TMEM220: variants seen among roughly 807,000 people sequenced by gnomAD.
The protein encoded by TMEM220 is transmembrane protein 220.
TMEM220 carries 21 observed loss-of-function variants against 21.7 expected under a neutral mutation model. The observed-to-expected ratio is 0.97, with a 90% CI of 0.69 to 1.39. TMEM220 has a LOEUF of 1.39. TMEM220 is among the 40% of genes most tolerant of loss of function. The pLI is 0.00. For synonymous variants in TMEM220, 80 were observed against 73.6 expected (o/e 1.09, Z -0.45); for missense variants, 191 against 201.9 (o/e 0.95, Z 0.33).
At chr17:10,728,945 G>A in intron 2 of TMEM220, 86 bp downstream of exon 2, 1 of 1,388,842 alleles carries the variant, frequency 7.2e-7, no homozygotes, top group South Asian at 1.2e-5. Context: ...AAGCAGGGAG[G>A]AGGGGTAAAG....
intron 2 of TMEM220, among the ~76,000 whole-genome samples, chr17:10,728,288 C>CA (rs1425414206): frequency 2.2e-5 from 3 of 139,474 alleles, no homozygotes; most frequent in Non-Finnish European, 3.1e-5. Context: ...CTTTTCTTTG[C>CA]TTTTTTTTTT....
At chr17:10,727,288 T>C (rs1567588626) in intron 2 of TMEM220, among the ~76,000 whole-genome samples, 1 of 152,210 alleles carries the variant, frequency 6.6e-6, no homozygotes, top group South Asian at 2.1e-4. Context: ...GGACTACGGA[T>C]GCCTGCCACC....
chr17:10,721,403 G>GT lies in TMEM220; in HGVS notation c.347+1866dup, dbSNP rs200895795. Among the ~76,000 whole-genome samples the GT allele has an allele frequency of 9.3e-4, 141 of 152,256 alleles. 1 individual carries two copies. The East Asian group carries it at 0.022, about 24-fold the overall frequency. On this transcript the variant is annotated intron_variant, in intron 5 of 5. Coordinates refer to ENST00000341871, the MANE Select transcript of TMEM220 (RefSeq NM_001004313.3). Reference sequence around the variant, plus strand: ...GCAGGCAGATCACTTGAGGTCAGGAGTTTGAGACCATCCTGGCCAACATGG... The same window carrying GT: ...GCAGGCAGATCACTTGAGGTCAGGAGTTTTGAGACCATCCTGGCCAACATGG...
At chr17:10,722,811 G>A (rs146256229) in intron 5 of TMEM220, among the ~76,000 whole-genome samples, 2 of 152,240 alleles carry the variant, frequency 1.3e-5, no homozygotes, top group Non-Finnish European at 2.9e-5. Context: ...ACTATACTGG[G>A]CCTTGTAGAA....
At chr17:10,723,666 A>G (rs186143663) in intron 4 of TMEM220, among the ~76,000 whole-genome samples, 112 of 152,324 alleles carry the variant, frequency 7.4e-4, no homozygotes, top group African/African-American at 2.6e-3. Flanking sequence ...TAGAAGAAAC[A>G]GTGCAACTAA....
chr17:10,726,896 G>A (rs2075055344), intron 2 of TMEM220, among the ~76,000 whole-genome samples: 1 of 152,220 alleles, frequency 6.6e-6, no homozygotes, highest in Admixed American at 6.5e-5. Flanking sequence ...TATTGTGTGT[G>A]TTGTTGGCAG....
At chr17:10,729,442 C>T (rs1192085341) in intron 1 of TMEM220, among the ~76,000 whole-genome samples, 2 of 152,170 alleles carry the variant, frequency 1.3e-5, no homozygotes, top group Admixed American at 1.3e-4. Flanking sequence ...TGGTCGGCTT[C>T]GTCTCCTAGG....
At chr17:10,720,217 C>T (rs923790637) in intron 5 of TMEM220, among the ~76,000 whole-genome samples, 3 of 152,162 alleles carry the variant, frequency 2.0e-5, no homozygotes, top group Non-Finnish European at 4.4e-5. Context: ...AGGAATTTAT[C>T]TCAAAGACAC....
At chr17:10,720,083 G>A (rs577375894) in intron 5 of TMEM220, among the ~76,000 whole-genome samples, 3 of 152,312 alleles carry the variant, frequency 2.0e-5, no homozygotes, top group African/African-American at 7.2e-5. Context: ...AGGCTATGGG[G>A]AAACAGACAC....
At chr17:10,730,012 CGGGGAGCGAAGGGCGT>C (rs1200023202) in exon 1 of TMEM220, 1 of 1,218,546 alleles carries the variant, frequency 8.2e-7, no homozygotes, top group Non-Finnish European at 1.0e-6. Flanking sequence ...CGCCCGGGGG[CGGGGAGCGAAGGGCGT>C]GGGTGTAGCC....
chr17:10,712,319 A>G (rs770131829), downstream of TMEM220, among the ~76,000 whole-genome samples: 1 of 152,230 alleles, frequency 6.6e-6, no homozygotes, highest in African/African-American at 2.4e-5. Context: ...TCTTGCAAGG[A>G]CACTTGTGGT....
At chr17:10,729,751 G>A in intron 1 of TMEM220, 29 bp downstream of exon 1, 1 of 1,336,844 alleles carries the variant, frequency 7.5e-7, no homozygotes. Context: ...GGAGCCGGGC[G>A]GGTCCCCCTC....
At chr17:10,725,164 C>G in intron 3 of TMEM220, 30 bp from the exon 4 acceptor site, 1 of 1,610,592 alleles carries the variant, frequency 6.2e-7, no homozygotes, top group Middle Eastern at 1.7e-4. Flanking sequence ...TGTTGTTAAC[C>G]ACGGAATCAC....
chr17:10,716,303 T>C, intron 5 of TMEM220: 1 of 662,768 alleles, frequency 1.5e-6, no homozygotes, highest in Non-Finnish European at 2.9e-6. Context: ...TCATCCTCTT[T>C]GGTAATTTCA....
rs760177196 is a variant in TMEM220, at chr17:10,715,534, G to A, written c.402C>T (p.Phe134=). 4.4e-6 allele frequency: 7 copies of A among 1,604,528 alleles called. No individual in the cohort carries two copies. The Admixed American group carries it at 1.2e-4, about 28-fold the overall frequency. ...ATATGTAGACCCATGAGATAAATGG[G>A]AAAAGTGTGATTACAATGGCAATAG... is the stretch of plus-strand genomic sequence containing the variant. ...QLAIAIVITL[F]PFISWVYIYI... is the part of the protein sequence containing the mutation. Residue 134 remains phenylalanine (F), a synonymous_variant, in exon 6 of 6, where the codon TTC becomes TTT. Coordinates refer to ENST00000341871, the MANE Select transcript of TMEM220 (RefSeq NM_001004313.3).
At position 10,713,450 on chromosome 17, in the gene TMEM220, G is replaced by A. The variant is rs1249384998; in HGVS notation, c.*2003C>T. The A allele has an allele frequency of 6.6e-6, 1 of 152,026 alleles. No individual in the cohort carries two copies. Among genetic ancestry groups the A allele is most frequent in the East Asian group, 1.9e-4 (1 of 5,196 alleles). 9.4% of individuals were successfully genotyped at this position (152,026 alleles called of 1,614,324 possible). ...AATTTCGTAGTCTGATATGGGAGAG[G>A]CATACATGATGAAAGCACATCTTGA... is the stretch of plus-strand genomic sequence containing the variant. On this transcript the variant is annotated 3_prime_UTR_variant, in exon 6 of 6. Coordinates refer to ENST00000341871, the MANE Select transcript of TMEM220 (RefSeq NM_001004313.3).
intron 5 of TMEM220, among the ~76,000 whole-genome samples, chr17:10,720,598 T>C (rs1597527432): frequency 1.3e-5 from 2 of 152,338 alleles, no homozygotes; most frequent in East Asian, 1.9e-4. Context: ...TCTTTTAATA[T>C]ATCTTATTTT....
intron 5 of TMEM220, among the ~76,000 whole-genome samples, chr17:10,717,535 G>A (rs1176520039): frequency 6.6e-6 from 1 of 152,020 alleles, no homozygotes; most frequent in Non-Finnish European, 1.5e-5. Flanking sequence ...TTGGTAGTTG[G>A]GTTATATATT....
intron 2 of TMEM220, among the ~76,000 whole-genome samples, chr17:10,727,199 G>A (rs1029651749): frequency 6.6e-6 from 1 of 151,774 alleles, no homozygotes. Flanking sequence ...GAGATGGGGG[G>A]GGTCTCGCTA....
Sources: gnomAD v4.1 joint callset for allele counts (sites outside exome capture counted in the v4.1 genomes callset) on GRCh38, gnomAD v4.1.1 for gene constraint, MANE v1.5 for transcripts, NCBI Gene and HGNC (gene_info 2026-07-23, HGNC 2026-07-21) for gene names.